The following CCR3 variants were observed in gnomAD, a reference collection of about 807,000 sequenced individuals.
CCR3 encodes the protein C-C chemokine receptor type 3.
For missense variants in CCR3, 419 were observed against 437.5 expected, an observed-to-expected ratio of 0.96 and a Z score of 0.38; for synonymous variants, 203 against 179.2, an observed-to-expected ratio of 1.13 and a Z score of -1.06.
intron 2 of CCR3, among the ~76,000 whole-genome samples, chr3:46,221,743 G>A (rs542430311): frequency 4.6e-5 from 7 of 152,246 alleles, no homozygotes; most frequent in African/African-American, 1.7e-4. Flanking sequence ...AAGAACCCCT[G>A]GCAGGTTTCC....
chr3:46,216,312 T>G (rs1699773429), intron 2 of CCR3, among the ~76,000 whole-genome samples: 1 of 152,188 alleles, frequency 6.6e-6, no homozygotes, highest in Non-Finnish European at 1.5e-5. Context: ...CCTTGTACTA[T>G]GTACACACTG....
In CCR3 at chr3:46,242,981, ACATATATATATATATATATATACG is replaced by A. The variant is rs1389210164; in HGVS notation, c.-12+446_-12+469del. Among the ~76,000 whole-genome samples, 14 of 73,620 alleles carry A rather than the reference ACATATATATATATATATATATACG, an allele frequency of 1.9e-4. No homozygotes were observed. In the South Asian group the frequency reaches 2.6e-3, roughly 14 times the overall value. The allele number at this position is 73,620 out of a possible 152,430, so 48.3% of individuals were successfully genotyped here. A position where few individuals can be genotyped will look rare whatever the true frequency, so the allele number is the denominator to read the frequency against. Reference sequence around the variant, plus strand: ...TATATGTGTATATATATATATATACACATATATATATATATATATATACGCACACACACATACATTTTTATATAT... The same window carrying A: ...TATATGTGTATATATATATATATACACACACACACATACATTTTTATATAT... On this transcript the variant is annotated intron_variant, in intron 1 of 1. Coordinates refer to ENST00000395940, the MANE Select transcript of CCR3 (RefSeq NM_178329.3).
intron 2 of CCR3, among the ~76,000 whole-genome samples, chr3:46,217,366 G>A (rs1213055483): frequency 1.3e-5 from 2 of 152,132 alleles, no homozygotes; most frequent in Non-Finnish European, 2.9e-5. Context: ...AATAGTCGTA[G>A]GGGAAGTCAG....
intron 2 of CCR3, among the ~76,000 whole-genome samples, chr3:46,235,484 C>A (rs1188277205): frequency 6.6e-6 from 1 of 152,194 alleles, no homozygotes; most frequent in Admixed American, 6.5e-5. Flanking sequence ...CATTTATAGA[C>A]AAGAAAATTG....
chr3:46,240,611 T>C (rs1046608908), upstream of CCR3, among the ~76,000 whole-genome samples: 1 of 152,194 alleles, frequency 6.6e-6, no homozygotes, highest in Non-Finnish European at 1.5e-5. Context: ...CAATATATTA[T>C]ACTATATTTC....
chr3:46,247,740 A>G (rs1044206773), intron 1 of CCR3, among the ~76,000 whole-genome samples: 4 of 152,144 alleles, frequency 2.6e-5, no homozygotes, highest in African/African-American at 4.8e-5. Flanking sequence ...CTATCTAGTG[A>G]AAGTGTCTAC....
At chr3:46,250,357 G>T (rs1467413802) in intron 1 of CCR3, among the ~76,000 whole-genome samples, 3 of 151,984 alleles carry the variant, frequency 2.0e-5, no homozygotes, top group Non-Finnish European at 4.4e-5. Flanking sequence ...GAGGTCAGAT[G>T]GGTCTGTAGA....
chr3:46,265,707 C>A lies in CCR3; in HGVS notation c.549C>A (p.Cys183Ter), dbSNP rs1700613885. 6.2e-7 allele frequency: 1 copy of A among 1,613,832 alleles called. No homozygotes were observed. The highest frequency in any genetic ancestry group is 8.5e-7 in the Non-Finnish European group (1 of 1,179,966). The change falls in exon 2 of 2, where the codon TGC (cysteine) becomes TGA (stop). Residue 183 changes from cysteine to a stop codon, truncating the protein, a stop_gained. Transcript: ENST00000395940. LOFTEE classifies it low-confidence loss of function (END_TRUNC). ...AAGAGTTGTTTGAAGAGACTCTTTG[C>A]AGTGCTCTTTACCCAGAGGATACAG... Reference protein sequence around the residue: ...ETEELFEETLCSALYPEDTVY... With the variant: ...ETEELFEETL
At chr3:46,215,302 A>C (rs769667897) in intron 2 of CCR3, among the ~76,000 whole-genome samples, 18 of 152,190 alleles carry the variant, frequency 1.2e-4, no homozygotes, top group Non-Finnish European at 1.9e-4. Flanking sequence ...AGGGCCTGGA[A>C]GTAGTGTTAT....
chr3:46,211,106 T>A (rs1423249627), intron 2 of CCR3, among the ~76,000 whole-genome samples: 2 of 151,948 alleles, frequency 1.3e-5, no homozygotes, highest in Non-Finnish European at 2.9e-5. Context: ...TGAATATCCA[T>A]CAGAATCTAC....
chr3:46,244,298 G>C (rs1428575746), intron 1 of CCR3, among the ~76,000 whole-genome samples: 3 of 152,128 alleles, frequency 2.0e-5, no homozygotes, highest in Non-Finnish European at 2.9e-5. Flanking sequence ...GTAATTTTTA[G>C]CCACAAGGAA....
chr3:46,216,779 G>GTATTTTTCAGGT (rs1318328573), intron 2 of CCR3, among the ~76,000 whole-genome samples: 1 of 152,162 alleles, frequency 6.6e-6, no homozygotes, highest in Non-Finnish European at 1.5e-5. Context: ...GGAAGATAAA[G>GTATTTTTCAGGT]TATTTTTCAG....
intron 2 of CCR3, among the ~76,000 whole-genome samples, chr3:46,230,002 T>C (rs951509983): frequency 6.6e-6 from 1 of 152,158 alleles, no homozygotes; most frequent in Admixed American, 6.5e-5. Context: ...CAGAGTCTAT[T>C]CTGACACAAG....
chr3:46,261,989 A>AC (rs1700534100), intron 1 of CCR3, among the ~76,000 whole-genome samples: 2 of 152,092 alleles, frequency 1.3e-5, no homozygotes, highest in East Asian at 3.9e-4. Flanking sequence ...GAACCAGGTC[A>AC]CCCCCACTCA....
intron 1 of CCR3, among the ~76,000 whole-genome samples, chr3:46,244,182 A>G (rs1700148602): frequency 6.6e-6 from 1 of 152,256 alleles, no homozygotes; most frequent in South Asian, 2.1e-4. Flanking sequence ...TATTATTTAT[A>G]GCAGAGCAAA....
upstream of CCR3, among the ~76,000 whole-genome samples, chr3:46,241,841 C>T (rs1700089771): frequency 6.6e-6 from 1 of 152,034 alleles, no homozygotes. Flanking sequence ...ATCCTGTCTC[C>T]CGATGAGTCA....
chr3:46,235,970 T>C (rs1362966090), intron 2 of CCR3, among the ~76,000 whole-genome samples: 2 of 152,240 alleles, frequency 1.3e-5, no homozygotes. Flanking sequence ...GACTGGTTTG[T>C]TAACTCTTTT....
intron 1 of CCR3, 66 bp from the exon 2 acceptor site, chr3:46,265,082 C>A: frequency 9.9e-7 from 1 of 1,010,958 alleles, no homozygotes; most frequent in Non-Finnish European, 1.5e-6. Context: ...AATAAATCAA[C>A]TGGTGTGTTT....
At chr3:46,252,136 C>T (rs1428297533) in intron 1 of CCR3, among the ~76,000 whole-genome samples, 2 of 146,696 alleles carry the variant, frequency 1.4e-5, no homozygotes, top group Non-Finnish European at 3.0e-5. Context: ...AGCCACATTT[C>T]AAGTGCTCAA....
Sources: gnomAD v4.1 joint callset for allele counts (sites outside exome capture counted in the v4.1 genomes callset) on GRCh38, gnomAD v4.1.1 for gene constraint, MANE v1.5 for transcripts, NCBI Gene and HGNC (gene_info 2026-07-23, HGNC 2026-07-21) for gene names.